PDE9A: variants seen among roughly 807,000 people sequenced by gnomAD.
PDE9A encodes high affinity cGMP-specific 3',5'-cyclic phosphodiesterase 9A.
PDE9A carries 60 observed loss-of-function variants against 87.4 expected under a neutral mutation model. That is an observed-to-expected ratio of 0.69 (90% CI 0.56 to 0.85). The LOEUF (loss-of-function observed/expected upper bound fraction) is 0.85. Among genes scored for constraint, PDE9A ranks in the 40% least tolerant of loss-of-function variants. The pLI is 0.00. For missense variants in PDE9A, 665 were observed against 779.0 expected, an observed-to-expected ratio of 0.85 and a Z score of 1.74; for synonymous variants, 272 against 279.4, an observed-to-expected ratio of 0.97 and a Z score of 0.27.
intron 2 of PDE9A, among the ~76,000 whole-genome samples, chr21:42,687,001 G>C (rs573948945): frequency 1.3e-5 from 2 of 152,314 alleles, no homozygotes; most frequent in Admixed American, 1.3e-4. Flanking sequence ...GAAATGGGTT[G>C]AAAAGACCAG....
In PDE9A at chr21:42,698,957, C is replaced by T. The variant is rs1172508536; in HGVS notation, c.219-11C>T. The T allele has an allele frequency of 2.5e-6, 4 of 1,610,240 alleles. No homozygotes were observed. In the South Asian group the frequency reaches 3.3e-5, roughly 13 times the overall value. ...CAGAGTCTCACAGCGGCACTGTCTT[C>T]TCTTTTGCAGCACTCCGTACAAAGT... is the stretch of plus-strand genomic sequence containing the variant. On this transcript the variant is annotated splice_polypyrimidine_tract_variant and intron_variant, in intron 3 of 19. Coordinates refer to ENST00000291539, the MANE Select transcript of PDE9A (RefSeq NM_002606.3).
At chr21:42,693,510 A>G (rs918064760) in intron 3 of PDE9A, among the ~76,000 whole-genome samples, 2 of 149,732 alleles carry the variant, frequency 1.3e-5, no homozygotes, top group South Asian at 4.2e-4. Context: ...CAGGATGATC[A>G]CGATCTCCTG....
intron 1 of PDE9A, among the ~76,000 whole-genome samples, chr21:42,669,068 T>G (rs1428188697): frequency 2.6e-5 from 4 of 152,222 alleles, no homozygotes; most frequent in African/African-American, 9.6e-5. Flanking sequence ...CTCCCATTGC[T>G]TGCGAAAAAG....
rs1202298796 is a variant in PDE9A at position 42,769,009 on chromosome 21, C to A, written c.1462-18C>A. 1 of 1,600,546 alleles carries A rather than the reference C, an allele frequency of 6.2e-7. No homozygotes were observed. Among genetic ancestry groups the A allele is most frequent in the Non-Finnish European group, 8.5e-7 (1 of 1,170,788 alleles). On this transcript the variant is annotated intron_variant, in intron 16 of 19. Coordinates refer to ENST00000291539, the MANE Select transcript of PDE9A (RefSeq NM_002606.3). Reference sequence around the variant, plus strand: ...GCATTTCTGTCTCTAATGTCACTGTCTGCTGCATTCCCTGCAGAGCGACCG... The same window carrying A: ...GCATTTCTGTCTCTAATGTCACTGTATGCTGCATTCCCTGCAGAGCGACCG...
At chr21:42,657,884 G>A (rs989596111) in intron 1 of PDE9A, among the ~76,000 whole-genome samples, 4 of 152,264 alleles carry the variant, frequency 2.6e-5, no homozygotes, top group African/African-American at 9.6e-5. Flanking sequence ...CTCTGCAGCT[G>A]GAACCCAGGT....
In PDE9A at chr21:42,770,727, A is replaced by T. The variant is rs143437759; in HGVS notation, c.1615A>T (p.Met539Leu). 2 of 1,613,892 alleles carry T rather than the reference A, an allele frequency of 1.2e-6. No individual in the cohort carries two copies. The highest frequency in any genetic ancestry group is 2.2e-5 in the South Asian group (2 of 91,078). ...GCTCTTCCCCATGGTTGAGGAGATC[A>T]TGCTGCAGCCACTTTGGGAATCCCG... ...TKLFPMVEEI[M>L]LQPLWESRDR... The change falls in exon 18 of 20, where the codon ATG (methionine) becomes TTG (leucine). Residue 539 changes from methionine (M) to leucine (L), a missense_variant. Coordinates refer to ENST00000291539, the MANE Select transcript of PDE9A (RefSeq NM_002606.3).
chr21:42,726,605 TA>T (rs1661838488), intron 4 of PDE9A, among the ~76,000 whole-genome samples: 3 of 17,034 alleles, frequency 1.8e-4, no homozygotes, highest in African/African-American at 8.8e-4. Flanking sequence ...TATATATATA[TA>T]TATATATATA....
At chr21:42,680,888 C>T (rs769779875) in intron 1 of PDE9A, among the ~76,000 whole-genome samples, 1 of 152,222 alleles carries the variant, frequency 6.6e-6, no homozygotes, top group African/African-American at 2.4e-5. Flanking sequence ...ATTGCGCACT[C>T]GAGTTCCTGC....
intron 1 of PDE9A, among the ~76,000 whole-genome samples, chr21:42,662,335 G>A (rs1015132739): frequency 1.3e-5 from 2 of 151,910 alleles, no homozygotes; most frequent in South Asian, 4.2e-4. Flanking sequence ...CTGCTTCCCA[G>A]GTTAGCTCCC....
Position 42,726,607 on chromosome 21 carries a change from TATATATA to T in PDE9A, c.263-5162_263-5156del, listed in dbSNP as rs1569207118. Among the ~76,000 whole-genome samples the T allele has an allele frequency of 1.7e-3, 38 of 22,856 alleles. 1 individual carries two copies. Among genetic ancestry groups the T allele is most frequent in the African/African-American group, 0.011 (32 of 2,904 alleles). The allele number at this position is 22,856 out of a possible 152,430, so 15.0% of individuals were successfully genotyped here. A position where few individuals can be genotyped will look rare whatever the true frequency, so the allele number is the denominator to read the frequency against. On this transcript the variant is annotated intron_variant, in intron 4 of 19. Transcript: ENST00000291539. ...CCACGCCTGGCCATATATATATATATATATATATATATATATATTTTTTTTTTTTTTT... is the reference window on the plus strand; with the variant it reads ...CCACGCCTGGCCATATATATATATATTATATATATATTTTTTTTTTTTTTT...
rs9981767 is a variant in PDE9A at position 42,659,765 on chromosome 21, C to A, written c.69+5882C>A. On this transcript the variant is annotated intron_variant, in intron 1 of 19. Transcript: ENST00000291539. The surrounding 1 kb of genome is among the most constrained non-coding windows in gnomAD (Gnocchi z 4.1). ...CCCCATGAGCCCAGGTCCCACAGCC[C>A]GCACCTTCGTCTTCCAGCCAGCCTC... 0.34 allele frequency among the ~76,000 whole-genome samples: 52,398 copies of A among 152,102 alleles called. 9,316 individuals carry two copies. Among genetic ancestry groups the A allele is most frequent in the African/African-American group, 0.44 (18,313 of 41,492 alleles).
chr21:42,731,989 C>T (rs1312379334), intron 5 of PDE9A, 40 bp downstream of exon 5: 3 of 1,611,870 alleles, frequency 1.9e-6, no homozygotes, highest in Non-Finnish European at 2.5e-6. Flanking sequence ...CACCCCCCAA[C>T]ACGTGGGATT....
At chr21:42,768,970 G>A (rs2056653355) in intron 16 of PDE9A, 57 bp from the exon 17 acceptor site, 13 of 1,543,782 alleles carry the variant, frequency 8.4e-6, no homozygotes, top group Admixed American at 3.9e-5. Context: ...TGAGAACAGC[G>A]ATCTGGTTAT....
chr21:42,749,852 A>G (rs1474837422), intron 8 of PDE9A, among the ~76,000 whole-genome samples: 1 of 152,254 alleles, frequency 6.6e-6, no homozygotes, highest in Non-Finnish European at 1.5e-5. Flanking sequence ...TAAAAGTACA[A>G]AGGGGCTGGG....
rs966610412 is a variant in PDE9A at position 42,694,159 on chromosome 21, C to T, written c.219-4809C>T. ...TGTTTCTTCCTAGCAGACAGCAGCC[C>T]TCTCCCTCTAGCTCAGAAGCTACGT... On this transcript the variant is annotated intron_variant, in intron 3 of 19. Coordinates refer to ENST00000291539, the MANE Select transcript of PDE9A (RefSeq NM_002606.3). This position sits in a 1 kb window ranked among gnomAD's most constrained non-coding sequence, Gnocchi z 5.3. 6.6e-6 allele frequency among the ~76,000 whole-genome samples: 1 copy of T among 152,206 alleles called. No individual in the cohort carries two copies. Among genetic ancestry groups the T allele is most frequent in the Non-Finnish European group, 1.5e-5 (1 of 68,046 alleles).
At position 42,720,407 on chromosome 21, in the gene PDE9A, T is replaced by A. The variant is rs564910764; in HGVS notation, c.263-11363T>A. The stretch of plus-strand genomic sequence containing the variant: ...TACTCGGGAGGCTGAGGCAGGAGAA[T>A]CGCTTGAACCTGGGAGGCGGAGGTT... On this transcript the variant is annotated intron_variant, in intron 4 of 19. Transcript: ENST00000291539. Among the ~76,000 whole-genome samples the A allele has an allele frequency of 1.8e-4, 27 of 152,120 alleles. No homozygotes were observed. The Middle Eastern group carries it at 0.01, about 57-fold the overall frequency.
chr21:42,764,394 G>T (rs927864282), intron 14 of PDE9A, among the ~76,000 whole-genome samples: 1 of 152,176 alleles, frequency 6.6e-6, no homozygotes, highest in South Asian at 2.1e-4. Context: ...GCAAATCTTC[G>T]TCTGCAGTAG....
At chr21:42,767,838 C>T (rs1380001417) in intron 15 of PDE9A, among the ~76,000 whole-genome samples, 2 of 152,200 alleles carry the variant, frequency 1.3e-5, no homozygotes, top group Non-Finnish European at 2.9e-5. Context: ...GCATGCCCAA[C>T]CCTGGCCAAG....
intron 1 of PDE9A, among the ~76,000 whole-genome samples, chr21:42,657,004 G>C (rs1312662501): frequency 6.6e-6 from 1 of 152,264 alleles, no homozygotes; most frequent in Non-Finnish European, 1.5e-5. Context: ...CTGAGTGCTG[G>C]CGGAATGGGA....
Sources: gnomAD v4.1 joint callset for allele counts (sites outside exome capture counted in the v4.1 genomes callset) on GRCh38, gnomAD v4.1.1 for gene constraint, Gnocchi (gnomAD v3.1) non-coding constraint, MANE v1.5 for transcripts, NCBI Gene and HGNC (gene_info 2026-07-23, HGNC 2026-07-21) for gene names.